PDE4C: variants seen among roughly 807,000 people sequenced by gnomAD.
PDE4C encodes the protein phosphodiesterase 4C, also known as 3',5'-cyclic-AMP phosphodiesterase 4C.
PDE4C carries 50 observed loss-of-function variants against 63.9 expected under a neutral mutation model. The observed-to-expected ratio is 0.78, with a 90% CI of 0.62 to 0.99. PDE4C has a LOEUF of 0.99. Among genes scored for constraint, PDE4C ranks in the 50% least tolerant of loss-of-function variants. The pLI is 0.00. For missense variants in PDE4C, 777 were observed against 899.1 expected (o/e 0.86, Z 1.74); for synonymous variants, 377 against 385.1 (o/e 0.98, Z 0.25).
chr19:18,223,499 C>G (rs1183204880), intron 1 of PDE4C, among the ~76,000 whole-genome samples: 1 of 152,132 alleles, frequency 6.6e-6, no homozygotes, highest in Non-Finnish European at 1.5e-5. Context: ...CGTGAGCCAC[C>G]GTGCCCGGCC....
chr19:18,220,540 C>G lies in PDE4C; in HGVS notation c.500-25G>C. The stretch of plus-strand genomic sequence containing the variant: ...TCTGGGAGCCGAGGCAGTCAGGGGC[C>G]TGCCCAACCCCCCCGCTCAGGGACC... On this transcript the variant is annotated intron_variant, in intron 5 of 14. Coordinates refer to ENST00000262805, the Ensembl canonical transcript of PDE4C. This position sits in a 1 kb window ranked among gnomAD's most constrained non-coding sequence, Gnocchi z 5.1. 6.5e-7 allele frequency: 1 copy of G among 1,545,534 alleles called. No homozygotes were observed. The highest frequency in any genetic ancestry group is 8.8e-7 in the Non-Finnish European group (1 of 1,138,674).
At chr19:18,211,828 G>C in exon 14 of PDE4C, 2 of 1,614,234 alleles carry the variant, frequency 1.2e-6, no homozygotes, top group South Asian at 1.1e-5. Flanking sequence ...ACTCACGCTC[G>C]CGGTCTCCCT....
upstream of PDE4C, chr19:18,252,537 A>G: frequency 2.5e-6 from 1 of 398,510 alleles, no homozygotes. Context: ...GGTCAAGGTG[A>G]GAGCATCACT....
intron 1 of PDE4C, among the ~76,000 whole-genome samples, chr19:18,225,963 CTCAG>C (rs1968701260): frequency 6.6e-6 from 1 of 152,240 alleles, no homozygotes; most frequent in Non-Finnish European, 1.5e-5. Context: ...AGACGTGAGC[CTCAG>C]CCCGTCCCAC....
chr19:18,227,648 G>T (rs990011046), upstream of PDE4C, among the ~76,000 whole-genome samples: 2 of 152,182 alleles, frequency 1.3e-5, no homozygotes, highest in African/African-American at 4.8e-5. Flanking sequence ...GTCACACAAG[G>T]AGGAGGGACC....
chr19:18,218,344 G>C (rs140868147), exon 10 of PDE4C: 10 of 1,614,118 alleles, frequency 6.2e-6, no homozygotes, highest in Non-Finnish European at 8.5e-6. Flanking sequence ...CTCGAGGGCG[G>C]GCGTAGCCAG....
upstream of PDE4C, among the ~76,000 whole-genome samples, chr19:18,229,004 C>T (rs185945623): frequency 6.6e-5 from 10 of 152,104 alleles, no homozygotes; most frequent in East Asian, 9.6e-4. Context: ...GGCACAATCT[C>T]GGCTCACTGA....
At chr19:18,231,995 G>C (rs1280544404) in intron 1 of PDE4C, among the ~76,000 whole-genome samples, 1 of 151,984 alleles carries the variant, frequency 6.6e-6, no homozygotes, top group Non-Finnish European at 1.5e-5. Flanking sequence ...GAGGGAGTGG[G>C]GGCGGGGGAG....
chr19:18,252,134 G>A, upstream of PDE4C: 1 of 399,350 alleles, frequency 2.5e-6, no homozygotes, highest in Non-Finnish European at 4.4e-6. Flanking sequence ...GGGAAGTGGG[G>A]CTCCAGTGCG....
chr19:18,255,299 G>C, the PDE4C span: 2 of 399,354 alleles, frequency 5.0e-6, no homozygotes, highest in Non-Finnish European at 8.8e-6. The surrounding 1 kb of genome is among the most constrained non-coding windows in gnomAD (Gnocchi z 4.6). Flanking sequence ...GCAGCTGGGG[G>C]CACGCCATTC....
chr19:18,217,748 T>A (rs1320738063), intron 11 of PDE4C, among the ~76,000 whole-genome samples: 1 of 151,746 alleles, frequency 6.6e-6, no homozygotes, highest in Non-Finnish European at 1.5e-5. Flanking sequence ...AATACAAAAA[T>A]TAGCCAGGCA....
At chr19:18,240,253 C>T (rs534841532) in intron 1 of PDE4C, among the ~76,000 whole-genome samples, 70 of 151,240 alleles carry the variant, frequency 4.6e-4, no homozygotes, top group African/African-American at 1.6e-3. Flanking sequence ...CTGGGCACCC[C>T]GTCGCTACAA....
chr19:18,242,802 A>T (rs1969065768), intron 1 of PDE4C, among the ~76,000 whole-genome samples: 1 of 150,852 alleles, frequency 6.6e-6, no homozygotes, highest in Non-Finnish European at 1.5e-5. Context: ...AAAAAAAAAA[A>T]AGGGAATTGG....
intron 14 of PDE4C, 45 bp from the exon 15 acceptor site, chr19:18,211,321 G>A: frequency 6.7e-7 from 1 of 1,488,020 alleles, no homozygotes; most frequent in Non-Finnish European, 9.1e-7. Flanking sequence ...GAGTTACAGT[G>A]AACCCTAGAC....
chr19:18,246,744 A>C (rs892633423), intron 1 of PDE4C, among the ~76,000 whole-genome samples: 53 of 152,188 alleles, frequency 3.5e-4, no homozygotes, highest in African/African-American at 1.3e-3. Context: ...CCTGGCCAAC[A>C]TGGAGAAACC....
At chr19:18,221,922 G>C (rs543863978) in intron 2 of PDE4C, among the ~76,000 whole-genome samples, 1 of 152,136 alleles carries the variant, frequency 6.6e-6, no homozygotes, top group Non-Finnish European at 1.5e-5. Context: ...CACCGTGCCC[G>C]GCCGACCTTA....
intron 1 of PDE4C, among the ~76,000 whole-genome samples, chr19:18,231,692 G>A (rs113581699): frequency 0.019 from 2,856 of 152,210 alleles, 36 homozygotes; most frequent in Non-Finnish European, 0.031. Flanking sequence ...TGAAATCTGG[G>A]ATGCTGGTCC....
intron 8 of PDE4C, 25 bp downstream of exon 8, chr19:18,219,209 C>A (rs1418280438): frequency 2.5e-6 from 4 of 1,613,900 alleles, no homozygotes; most frequent in Admixed American, 1.7e-5. Context: ...AAACCTTGAT[C>A]TTGGCATTGT....
At chr19:18,240,864 A>G (rs172043) in intron 1 of PDE4C, among the ~76,000 whole-genome samples, 114,808 of 152,156 alleles carry the variant, frequency 0.75, 44,456 homozygotes, top group African/African-American at 0.93. Context: ...AAGGGATGCA[A>G]CATAGCTCAT....
Sources: gnomAD v4.1 joint callset for allele counts (sites outside exome capture counted in the v4.1 genomes callset) on GRCh38, gnomAD v4.1.1 for gene constraint, Gnocchi (gnomAD v3.1) non-coding constraint, MANE v1.5 for transcripts, NCBI Gene and HGNC (gene_info 2026-07-23, HGNC 2026-07-21) for gene names.